The following DOK5 variants were observed in gnomAD, a reference collection of about 807,000 sequenced individuals.
The protein encoded by DOK5 is downstream of tyrosine kinase 5.
In DOK5, 27 loss-of-function variants were observed where a neutral mutation model predicts 43.3. The observed-to-expected ratio is 0.62, with a 90% CI of 0.46 to 0.86. The LOEUF (loss-of-function observed/expected upper bound fraction) is 0.86, where lower values mean the gene tolerates loss of function less well. Ranked by LOEUF, DOK5 falls within the 40% of genes least tolerant of loss-of-function variation. The pLI is 0.00. For missense variants in DOK5, 373 were observed against 392.9 expected, an observed-to-expected ratio of 0.95 and a Z score of 0.43; for synonymous variants, 146 against 140.1, an observed-to-expected ratio of 1.04 and a Z score of -0.30.
chr20:54,595,071 G>T (rs530099120), intron 5 of DOK5, among the ~76,000 whole-genome samples: 4 of 152,294 alleles, frequency 2.6e-5, no homozygotes, highest in Admixed American at 2.6e-4. Flanking sequence ...GCTGGGCGTG[G>T]TGGCTCATGC....
intron 6 of DOK5, among the ~76,000 whole-genome samples, chr20:54,631,189 A>G (rs1166916568): frequency 1.3e-5 from 2 of 152,196 alleles, no homozygotes; most frequent in Non-Finnish European, 2.9e-5. Context: ...TTAAATATAC[A>G]TTATGTATGT....
At chr20:54,476,837 G>A (rs1440490883) in intron 1 of DOK5, among the ~76,000 whole-genome samples, 1 of 152,146 alleles carries the variant, frequency 6.6e-6, no homozygotes, top group Non-Finnish European at 1.5e-5. Flanking sequence ...GCTGGAGGAG[G>A]CTTCAAAAGA....
chr20:54,550,692 G>T (rs1420944511), intron 1 of DOK5, among the ~76,000 whole-genome samples: 1 of 152,028 alleles, frequency 6.6e-6, no homozygotes, highest in African/African-American at 2.4e-5. Flanking sequence ...TTCTTACAGA[G>T]ATTTATCCAA....
At chr20:54,617,001 A>G (rs1986835671) in intron 6 of DOK5, among the ~76,000 whole-genome samples, 1 of 152,078 alleles carries the variant, frequency 6.6e-6, no homozygotes, top group African/African-American at 2.4e-5. Context: ...CTTGTTAGCC[A>G]GGATGGTCTC....
intron 1 of DOK5, among the ~76,000 whole-genome samples, chr20:54,502,255 C>A (rs1210826936): frequency 6.6e-6 from 1 of 152,126 alleles, no homozygotes; most frequent in Non-Finnish European, 1.5e-5. Flanking sequence ...CCATGTAGAC[C>A]ACACATTCAT....
chr20:54,529,423 C>T (rs949303669), intron 1 of DOK5, among the ~76,000 whole-genome samples: 2 of 151,912 alleles, frequency 1.3e-5, no homozygotes, highest in Non-Finnish European at 2.9e-5. Flanking sequence ...CAGGCTGTCC[C>T]TTAATAAATG....
intron 1 of DOK5, among the ~76,000 whole-genome samples, chr20:54,538,927 G>A (rs78368003): frequency 0.021 from 3,203 of 152,190 alleles, 119 homozygotes; most frequent in African/African-American, 0.074. Context: ...AAGCCAAATC[G>A]AAAAGGTTAC....
intron 1 of DOK5, among the ~76,000 whole-genome samples, chr20:54,521,669 T>C (rs1983402211): frequency 6.6e-6 from 1 of 152,140 alleles, no homozygotes; most frequent in Admixed American, 6.6e-5. Flanking sequence ...TTATGAAGAT[T>C]TCATTACTTA....
At chr20:54,633,006 G>A (rs566584538) in intron 6 of DOK5, among the ~76,000 whole-genome samples, 2 of 152,272 alleles carry the variant, frequency 1.3e-5, no homozygotes, top group African/African-American at 4.8e-5. Flanking sequence ...GGGAGGTAGA[G>A]GTTGCAGTGA....
intron 2 of DOK5, among the ~76,000 whole-genome samples, chr20:54,561,894 T>G (rs1457854080): frequency 6.6e-6 from 1 of 152,182 alleles, no homozygotes; most frequent in Non-Finnish European, 1.5e-5. Flanking sequence ...CGACCTCAGG[T>G]GATCCGCCCA....
At chr20:54,613,621 A>G (rs1404918788) in intron 6 of DOK5, among the ~76,000 whole-genome samples, 3 of 152,140 alleles carry the variant, frequency 2.0e-5, no homozygotes, top group African/African-American at 4.8e-5. Flanking sequence ...ATGTCTATAT[A>G]TTGTCTCTTT....
intron 1 of DOK5, among the ~76,000 whole-genome samples, chr20:54,510,586 G>A (rs1443793862): frequency 1.3e-5 from 2 of 152,172 alleles, no homozygotes; most frequent in East Asian, 3.9e-4. Flanking sequence ...TGTTGTGGGG[G>A]GTTTTAAAAT....
At chr20:54,587,028 G>C (rs1036322834) in intron 2 of DOK5, among the ~76,000 whole-genome samples, 6 of 152,134 alleles carry the variant, frequency 3.9e-5, no homozygotes, top group African/African-American at 1.4e-4. Flanking sequence ...AATCTGCTAT[G>C]TGCAGCATGC....
intron 5 of DOK5, among the ~76,000 whole-genome samples, chr20:54,592,824 G>A (rs893966639): frequency 1.4e-4 from 21 of 152,200 alleles, no homozygotes; most frequent in Middle Eastern, 3.4e-3. Context: ...GAGCCACCAC[G>A]CCCGGCCAGA....
Position 54,496,963 on chromosome 20 carries a change from G to A in DOK5, c.66+20951G>A, listed in dbSNP as rs6023297. 1.9e-4 allele frequency among the ~76,000 whole-genome samples: 29 copies of A among 152,114 alleles called. 1 individual carries two copies. The highest frequency in any genetic ancestry group is 7.0e-4 in the African/African-American group (29 of 41,498). On this transcript the variant is annotated intron_variant, in intron 1 of 7. Coordinates refer to ENST00000262593, the MANE Select transcript of DOK5 (RefSeq NM_018431.5). ...AAGCTGTAAAACATATAACCTGGTG[G>A]CTCAGAGCATAAACCTCTGTGGGAG...
chr20:54,626,446 T>G (rs957785697), intron 6 of DOK5, among the ~76,000 whole-genome samples: 1 of 152,216 alleles, frequency 6.6e-6, no homozygotes, highest in African/African-American at 2.4e-5. Context: ...TTTTGAATCT[T>G]ATTTATTTTT....
At chr20:54,642,575 T>G (rs1379818313) in intron 6 of DOK5, among the ~76,000 whole-genome samples, 1 of 105,016 alleles carries the variant, frequency 9.5e-6, no homozygotes, top group Admixed American at 9.0e-5. Context: ...AAAAGAAAAA[T>G]TAGCCGGGCG....
chr20:54,494,586 T>C (rs187951251), intron 1 of DOK5, among the ~76,000 whole-genome samples: 182 of 152,334 alleles, frequency 1.2e-3, no homozygotes, highest in African/African-American at 4.2e-3. Flanking sequence ...GCTTGGCCCA[T>C]GGTTCTCCCT....
intron 5 of DOK5, among the ~76,000 whole-genome samples, chr20:54,609,581 T>C (rs1714820806): frequency 6.6e-6 from 1 of 150,996 alleles, no homozygotes; most frequent in African/African-American, 2.5e-5. Context: ...CACTAAAATA[T>C]ATAGAGAGCA....
Sources: gnomAD v4.1 joint callset for allele counts (sites outside exome capture counted in the v4.1 genomes callset) on GRCh38, gnomAD v4.1.1 for gene constraint, MANE v1.5 for transcripts, NCBI Gene and HGNC (gene_info 2026-07-23, HGNC 2026-07-21) for gene names.